KMO: variants seen among roughly 807,000 people sequenced by gnomAD.
KMO encodes the protein kynurenine 3-hydroxylase.
In KMO, 24 loss-of-function variants were observed where a neutral mutation model predicts 57.8. The ratio of observed to expected loss-of-function variants is 0.42; its 90% CI spans 0.30 to 0.58. The LOEUF (loss-of-function observed/expected upper bound fraction) is 0.58. Ranked by LOEUF, KMO falls within the 20% of genes least tolerant of loss-of-function variation. The pLI, the probability that KMO is intolerant of heterozygous loss-of-function variation, is 0.22. For synonymous variants in KMO, 210 were observed against 193.6 expected (o/e 1.08, Z -0.70); for missense variants, 483 against 588.2 (o/e 0.82, Z 1.85).
rs928486660 is a variant in KMO at position 241,593,328 on chromosome 1, G to C, written c.*1175G>C. ...CACTTGATTTTTAAAAGCACATTTAGTGAAATGTTTTCTTTGGTTCATCCT... is the reference window on the plus strand; with the variant it reads ...CACTTGATTTTTAAAAGCACATTTACTGAAATGTTTTCTTTGGTTCATCCT... On this transcript the variant is annotated 3_prime_UTR_variant, in exon 15 of 15. Transcript: ENST00000366559. 2.4e-5 allele frequency: 10 copies of C among 419,152 alleles called. No homozygotes were observed. The highest frequency in any genetic ancestry group is 2.0e-4 in the African/African-American group (10 of 49,550). 26.0% of individuals were successfully genotyped at this position (419,152 alleles called of 1,614,324 possible). A position where few individuals can be genotyped will look rare whatever the true frequency, so the allele number is the denominator to read the frequency against.
chr1:241,589,960 A>T, intron 12 of KMO, 52 bp from the exon 13 acceptor site: 1 of 1,321,260 alleles, frequency 7.6e-7, no homozygotes, highest in Non-Finnish European at 1.1e-6. Context: ...AGTCGCAGTG[A>T]GAAATAGCTG....
intron 7 of KMO, among the ~76,000 whole-genome samples, chr1:241,563,254 G>T (rs1320338693): frequency 6.6e-6 from 1 of 152,150 alleles, no homozygotes; most frequent in African/African-American, 2.4e-5. Context: ...GCAAATAAGT[G>T]TAGGAACTTG....
Position 241,594,515 on chromosome 1 carries a change from G to T in KMO, c.*2362G>T, listed in dbSNP as rs774729676. 3 of 1,614,080 alleles carry T rather than the reference G, an allele frequency of 1.9e-6. No individual in the cohort carries two copies. The highest frequency in any genetic ancestry group is 2.5e-6 in the Non-Finnish European group (3 of 1,179,980). ...CTGACAGTGATTCATCACTGGTGAT[G>T]ATAAAAATGATGGAAGAAGAGTTGA... On this transcript the variant is annotated 3_prime_UTR_variant, in exon 15 of 15. Transcript: ENST00000366559.
intron 10 of KMO, among the ~76,000 whole-genome samples, chr1:241,577,857 C>T (rs1004291504): frequency 9.9e-5 from 15 of 152,128 alleles, no homozygotes; most frequent in African/African-American, 3.4e-4. Flanking sequence ...CAGTGAAACA[C>T]ACTGAAGTCT....
At chr1:241,543,779 T>C (rs995287698) in intron 1 of KMO, among the ~76,000 whole-genome samples, 17 of 152,204 alleles carry the variant, frequency 1.1e-4, no homozygotes, top group Non-Finnish European at 2.4e-4. Flanking sequence ...TTAATCTTAA[T>C]GTGCCCACAC....
chr1:241,575,198 A>G (rs1312173613), intron 10 of KMO, among the ~76,000 whole-genome samples: 1 of 151,562 alleles, frequency 6.6e-6, no homozygotes, highest in Non-Finnish European at 1.5e-5. Context: ...ATTGATTTTG[A>G]TTGTCTTTTC....
intron 1 of KMO, among the ~76,000 whole-genome samples, chr1:241,533,667 T>G (rs1660657214): frequency 6.6e-6 from 1 of 152,140 alleles, no homozygotes. Context: ...CAATATTGTT[T>G]TAGGTAGTAG....
chr1:241,566,396 G>C (rs112084937), intron 8 of KMO, 95 bp from the exon 9 acceptor site: 2 of 826,372 alleles, frequency 2.4e-6, no homozygotes, highest in Admixed American at 6.1e-5. Context: ...AAAGCTCCCT[G>C]GTCACAGCAA....
At chr1:241,587,404 A>T (rs1663044750) in intron 11 of KMO, among the ~76,000 whole-genome samples, 1 of 152,122 alleles carries the variant, frequency 6.6e-6, no homozygotes, top group African/African-American at 2.4e-5. Context: ...ACCCTACAAC[A>T]CATCCTCAGA....
At chr1:241,535,279 C>T (rs1406802228) in intron 1 of KMO, among the ~76,000 whole-genome samples, 1 of 151,760 alleles carries the variant, frequency 6.6e-6, no homozygotes, top group African/African-American at 2.4e-5. Context: ...CCCTTCCTAC[C>T]TCCTCCTTTC....
At position 241,594,347 on chromosome 1, in the gene KMO, G is replaced by A; in HGVS notation, c.*2194G>A. 7.0e-7 allele frequency: 1 copy of A among 1,437,738 alleles called. No individual in the cohort carries two copies. The highest frequency in any genetic ancestry group is 9.5e-7 in the Non-Finnish European group (1 of 1,047,760). 89.1% of individuals were successfully genotyped at this position (1,437,738 alleles called of 1,614,324 possible). On this transcript the variant is annotated 3_prime_UTR_variant, in exon 15 of 15. Transcript: ENST00000366559. ...GTTCTGTTGATATTACATAGAACGG[G>A]TATTCCAGACACTTCTTATGATGAA...
intron 10 of KMO, among the ~76,000 whole-genome samples, chr1:241,580,414 C>T (rs918303932): frequency 1.3e-5 from 2 of 152,058 alleles, no homozygotes; most frequent in African/African-American, 2.4e-5. Flanking sequence ...GCTTTTATAG[C>T]TCTTTAGGAT....
intron 10 of KMO, among the ~76,000 whole-genome samples, chr1:241,581,660 T>C (rs1216056786): frequency 6.6e-6 from 1 of 152,040 alleles, no homozygotes; most frequent in African/African-American, 2.4e-5. Context: ...ACTAAACAAC[T>C]CTACACTTTA....
At chr1:241,564,346 C>T (rs1039088875) in intron 7 of KMO, among the ~76,000 whole-genome samples, 4 of 152,036 alleles carry the variant, frequency 2.6e-5, no homozygotes, top group African/African-American at 9.7e-5. Context: ...AATTGATCTA[C>T]CCAAGCAATT....
chr1:241,561,569 C>T (rs1661837935), intron 6 of KMO, among the ~76,000 whole-genome samples: 2 of 152,326 alleles, frequency 1.3e-5, no homozygotes, highest in South Asian at 4.1e-4. Context: ...CACCTCATCC[C>T]TGTTTTCTGC....
Position 241,594,821 on chromosome 1 carries a change from A to T in KMO, c.*2668A>T. Reference sequence around the variant, plus strand: ...TGTTAGCAGGTGTGGATGTGGGGTTATGTGGTCATGCTCAGATCTACCTAA... The same window carrying T: ...TGTTAGCAGGTGTGGATGTGGGGTTTTGTGGTCATGCTCAGATCTACCTAA... On this transcript the variant is annotated 3_prime_UTR_variant, in exon 15 of 15. Coordinates refer to ENST00000366559, the MANE Select transcript of KMO (RefSeq NM_003679.5). 1.0e-6 allele frequency: 1 copy of T among 975,958 alleles called. No individual in the cohort carries two copies. The highest frequency in any genetic ancestry group is 2.5e-5 in the East Asian group (1 of 39,582). 60.5% of individuals were successfully genotyped at this position (975,958 alleles called of 1,614,324 possible).
intron 1 of KMO, among the ~76,000 whole-genome samples, chr1:241,547,484 A>G (rs1223587232): frequency 6.6e-6 from 1 of 152,046 alleles, no homozygotes; most frequent in Non-Finnish European, 1.5e-5. Context: ...CAAAAGATCT[A>G]AACAGACACT....
At chr1:241,556,888 C>A (rs930229595) in intron 5 of KMO, among the ~76,000 whole-genome samples, 1 of 150,872 alleles carries the variant, frequency 6.6e-6, no homozygotes, top group Admixed American at 6.6e-5. Flanking sequence ...GACTCAGTCC[C>A]AATAAAATAA....
chr1:241,573,207 G>A (rs1027408209), intron 10 of KMO, among the ~76,000 whole-genome samples: 5 of 151,998 alleles, frequency 3.3e-5, no homozygotes, highest in South Asian at 2.1e-4. Context: ...GGCTGGTTTC[G>A]ACCTGCTGTG....
Sources: allele counts gnomAD v4.1 joint callset (sites outside exome capture counted in the v4.1 genomes callset), GRCh38; gene constraint gnomAD v4.1.1; transcripts MANE v1.5; gene names NCBI Gene and HGNC (gene_info 2026-07-23, HGNC 2026-07-21).